The following AGBL4 variants were observed in gnomAD, a reference collection of about 807,000 sequenced individuals.
AGBL4 encodes the protein cytosolic carboxypeptidase 6.
AGBL4 carries 58 observed loss-of-function variants against 66.4 expected under a neutral mutation model. The observed-to-expected ratio is 0.87, with a 90% CI of 0.71 to 1.09. AGBL4 has a LOEUF of 1.09. Ranked by LOEUF, AGBL4 falls within the 50% of genes least tolerant of loss-of-function variation. The probability of loss-of-function intolerance (pLI) is 0.00; values close to 1 mark genes in which losing one functional copy is unlikely to be tolerated. For missense variants in AGBL4, 579 were observed against 631.0 expected, an observed-to-expected ratio of 0.92 and a Z score of 0.88; for synonymous variants, 234 against 222.9, an observed-to-expected ratio of 1.05 and a Z score of -0.44.
chr1:48,922,458 C>A (rs1203870549), intron 5 of AGBL4, among the ~76,000 whole-genome samples: 1 of 152,180 alleles, frequency 6.6e-6, no homozygotes, highest in East Asian at 1.9e-4. Flanking sequence ...TCTGTCTGGT[C>A]TGGCTGGAGA....
At chr1:49,636,523 C>A (rs1221275979) in intron 3 of AGBL4, among the ~76,000 whole-genome samples, 1 of 152,064 alleles carries the variant, frequency 6.6e-6, no homozygotes, top group East Asian at 1.9e-4. Context: ...GAAATAGTCA[C>A]ACAATGGATA....
At chr1:48,941,219 G>C (rs1655944704) in intron 5 of AGBL4, among the ~76,000 whole-genome samples, 1 of 152,206 alleles carries the variant, frequency 6.6e-6, no homozygotes, top group Non-Finnish European at 1.5e-5. Flanking sequence ...ATAGCTCTGA[G>C]TGTGTGAATC....
chr1:48,809,562 T>A (rs1186323880), intron 6 of AGBL4, among the ~76,000 whole-genome samples: 1 of 152,120 alleles, frequency 6.6e-6, no homozygotes, highest in East Asian at 1.9e-4. Flanking sequence ...CTTGGAGACA[T>A]CTAGAAAAAA....
chr1:48,770,327 C>A (rs1458072727), intron 6 of AGBL4, among the ~76,000 whole-genome samples: 2 of 152,152 alleles, frequency 1.3e-5, no homozygotes, highest in Non-Finnish European at 2.9e-5. Context: ...AAAAGAAACC[C>A]AAACAAGCCT....
chr1:49,439,907 T>G (rs1645987551), intron 3 of AGBL4, among the ~76,000 whole-genome samples: 1 of 152,160 alleles, frequency 6.6e-6, no homozygotes, highest in South Asian at 2.1e-4. Flanking sequence ...ATCTCTATCC[T>G]ATTAGTTCTG....
chr1:49,968,133 G>C (rs1657727230), intron 1 of AGBL4, among the ~76,000 whole-genome samples: 1 of 150,640 alleles, frequency 6.6e-6, no homozygotes, highest in Non-Finnish European at 1.5e-5. Context: ...TGAGACAGGA[G>C]AATCACTTGA....
chr1:49,382,181 G>A (rs1042386112), intron 3 of AGBL4, among the ~76,000 whole-genome samples: 8 of 152,056 alleles, frequency 5.3e-5, no homozygotes, highest in African/African-American at 1.4e-4. Flanking sequence ...ACTTGGCATT[G>A]TAACTGATGC....
chr1:49,491,107 T>G (rs75295546), intron 3 of AGBL4, among the ~76,000 whole-genome samples: 4,188 of 151,896 alleles, frequency 0.028, 169 homozygotes, highest in African/African-American at 0.095. Context: ...ATGAATGACC[T>G]AATGTACAGT....
chr1:49,224,616 CAAAAAAA>C (rs377573639), intron 4 of AGBL4, among the ~76,000 whole-genome samples: 7 of 74,734 alleles, frequency 9.4e-5, no homozygotes, highest in African/African-American at 4.2e-4. Context: ...GACTCCCTCT[CAAAAAAA>C]AAAAAAAAAA....
At chr1:49,331,817 G>GTAGGA (rs1645340467) in intron 3 of AGBL4, among the ~76,000 whole-genome samples, 2 of 151,452 alleles carry the variant, frequency 1.3e-5, no homozygotes, top group African/African-American at 4.9e-5. Flanking sequence ...TGGCCAGACT[G>GTAGGA]CTTCTTTAAG....
intron 6 of AGBL4, among the ~76,000 whole-genome samples, chr1:48,685,491 T>C (rs976961106): frequency 1.3e-5 from 2 of 152,172 alleles, no homozygotes; most frequent in African/African-American, 4.8e-5. Context: ...CAGAACAAGA[T>C]GCCTTGGGCT....
chr1:49,327,053 C>A (rs1645241652), intron 3 of AGBL4, among the ~76,000 whole-genome samples: 1 of 152,082 alleles, frequency 6.6e-6, no homozygotes, highest in African/African-American at 2.4e-5. Context: ...CTCTCTCTGG[C>A]CTTTCTGCTT....
At chr1:49,606,523 A>T (rs1645066183) in intron 3 of AGBL4, among the ~76,000 whole-genome samples, 1 of 152,048 alleles carries the variant, frequency 6.6e-6, no homozygotes, top group Non-Finnish European at 1.5e-5. Flanking sequence ...GTGGTCACAG[A>T]AATATGGCCT....
At chr1:48,700,063 G>A (rs146054578) in intron 6 of AGBL4, among the ~76,000 whole-genome samples, 4 of 152,098 alleles carry the variant, frequency 2.6e-5, no homozygotes, top group African/African-American at 9.6e-5. Flanking sequence ...ATAGGCATGA[G>A]CCACTGCACC....
chr1:49,234,582 T>C (rs1319946250), intron 4 of AGBL4, among the ~76,000 whole-genome samples: 1 of 152,208 alleles, frequency 6.6e-6, no homozygotes, highest in Non-Finnish European at 1.5e-5. Context: ...CAGTGGACTA[T>C]GCCAATTTGT....
intron 11 of AGBL4, among the ~76,000 whole-genome samples, chr1:48,558,306 T>C (rs938370540): frequency 2.0e-5 from 3 of 152,240 alleles, no homozygotes; most frequent in African/African-American, 7.2e-5. Flanking sequence ...TCATAAAATA[T>C]CAGAGCAAGA....
intron 5 of AGBL4, among the ~76,000 whole-genome samples, chr1:48,901,803 G>T (rs962329759): frequency 6.6e-6 from 1 of 152,116 alleles, no homozygotes; most frequent in African/African-American, 2.4e-5. Flanking sequence ...GGAAAAGTTT[G>T]AGGGTGGTAT....
chr1:48,903,799 G>A (rs1652317451), intron 5 of AGBL4, among the ~76,000 whole-genome samples: 1 of 152,168 alleles, frequency 6.6e-6, no homozygotes, highest in South Asian at 2.1e-4. Flanking sequence ...CCACCTCCTT[G>A]CCTGTGTGTA....
chr1:49,501,142 C>T (rs937180058), intron 3 of AGBL4, among the ~76,000 whole-genome samples: 5 of 151,862 alleles, frequency 3.3e-5, no homozygotes, highest in Non-Finnish European at 7.4e-5. Context: ...TGTTTTATGT[C>T]ATGGTTCTAA....
Sources: allele counts gnomAD v4.1 joint callset (sites outside exome capture counted in the v4.1 genomes callset), GRCh38; gene constraint gnomAD v4.1.1; transcripts MANE v1.5; gene names NCBI Gene and HGNC (gene_info 2026-07-23, HGNC 2026-07-21).